MACROD2: variants seen among roughly 807,000 people sequenced by gnomAD.
MACROD2 encodes mono-ADP ribosylhydrolase 2.
Under a neutral mutation model 70.4 loss-of-function variants are expected in MACROD2, and 36 were observed. That is an observed-to-expected ratio of 0.51 (90% confidence interval 0.39 to 0.68). The LOEUF (loss-of-function observed/expected upper bound fraction) is 0.68. Among genes scored for constraint, MACROD2 ranks in the 30% least tolerant of loss-of-function variants. The pLI, the probability that MACROD2 is intolerant of heterozygous loss-of-function variation, is 0.00. For missense variants in MACROD2, 496 were observed against 538.4 expected (o/e 0.92, Z 0.78); for synonymous variants, 172 against 178.8 (o/e 0.96, Z 0.30).
At chr20:15,582,121 CAAA>C (rs11417111) in intron 8 of MACROD2, among the ~76,000 whole-genome samples, 1 of 140,876 alleles carries the variant, frequency 7.1e-6, no homozygotes. Context: ...GACTCGGTCT[CAAA>C]AAAAAAAAAA....
In MACROD2 at chr20:15,869,238, TAGAGAGAG is replaced by T. The variant is rs1555788820; in HGVS notation, c.727+6435_727+6442del. ...ATATATATATATATATATATATATA[TAGAGAGAG>T]AGAGAGAGAGAGAGAGAGAGAGCAA... On this transcript the variant is annotated intron_variant, in intron 9 of 17. Coordinates refer to ENST00000684519, the MANE Select transcript of MACROD2 (RefSeq NM_001351661.2). 5.8e-3 allele frequency among the ~76,000 whole-genome samples: 164 copies of T among 28,306 alleles called. 2 individuals carry two copies. The highest frequency in any genetic ancestry group is 0.031 in the Middle Eastern group (1 of 32). The allele number at this position is 28,306 out of a possible 152,430, so 18.6% of individuals were successfully genotyped here. A position where few individuals can be genotyped will look rare whatever the true frequency, so the allele number is the denominator to read the frequency against.
rs1437774140 is a variant in MACROD2, at chr20:14,087,235, A to G, written c.271+1507A>G. On this transcript the variant is annotated intron_variant, in intron 3 of 17. Coordinates refer to ENST00000684519, the MANE Select transcript of MACROD2 (RefSeq NM_001351661.2). The stretch of plus-strand genomic sequence containing the variant: ...CATGGTGAATCTCATCTCTACCAAA[A>G]AAATACAAAAATTAGCCAGGTGTGA... 2.0e-5 allele frequency among the ~76,000 whole-genome samples: 3 copies of G among 152,100 alleles called. No individual in the cohort carries two copies. In the East Asian group the frequency reaches 5.8e-4, roughly 29 times the overall value.
chr20:15,521,634 G>A (rs1469570355), intron 8 of MACROD2, among the ~76,000 whole-genome samples: 2 of 152,124 alleles, frequency 1.3e-5, no homozygotes, highest in Non-Finnish European at 2.9e-5. Context: ...TAACAGTATG[G>A]CACACATTTA....
At chr20:15,524,981 T>C (rs1379774399) in intron 8 of MACROD2, among the ~76,000 whole-genome samples, 1 of 152,166 alleles carries the variant, frequency 6.6e-6, no homozygotes, top group Non-Finnish European at 1.5e-5. Context: ...ATCTTACAAC[T>C]AAATGTTCTT....
chr20:14,278,521 C>A (rs2082277768), intron 3 of MACROD2, among the ~76,000 whole-genome samples: 1 of 152,116 alleles, frequency 6.6e-6, no homozygotes, highest in Non-Finnish European at 1.5e-5. Flanking sequence ...TAAGTTTTAG[C>A]CATCTCTTTT....
In MACROD2 at chr20:14,002,189, CT is replaced by C. The variant is rs370732803; in HGVS notation, c.47-98del. ...ATTGTGTTCTTCAGGACTGTATCAA[CT>C]CTTTTGTTAGCTTAACTTGGTTAAT... On this transcript the variant is annotated intron_variant, in intron 1 of 17. Transcript: ENST00000684519. The C allele has an allele frequency of 5.4e-5, 36 of 669,986 alleles. No homozygotes were observed. In the African/African-American group the frequency reaches 5.8e-4, roughly 11 times the overall value. The allele number at this position is 669,986 out of a possible 1,614,324, so 41.5% of individuals were successfully genotyped here. A position where few individuals can be genotyped will look rare whatever the true frequency, so the allele number is the denominator to read the frequency against.
At chr20:14,623,094 T>G (rs1338623192) in intron 4 of MACROD2, 4 of 151,192 alleles carry the variant, frequency 2.6e-5, no homozygotes, top group Admixed American at 2.6e-4. Flanking sequence ...CCCCTTGTTT[T>G]GATGAGGAAA....
intron 5 of MACROD2, among the ~76,000 whole-genome samples, chr20:15,186,206 G>A (rs190361437): frequency 6.6e-6 from 1 of 152,112 alleles, no homozygotes; most frequent in African/African-American, 2.4e-5. Flanking sequence ...CTTTGGCTGT[G>A]TGGCTCTCTA....
intron 3 of MACROD2, among the ~76,000 whole-genome samples, chr20:14,099,114 C>A (rs1242467553): frequency 1.3e-5 from 2 of 152,060 alleles, no homozygotes; most frequent in Admixed American, 1.3e-4. Context: ...TCCATCTCTA[C>A]TAAAAATACA....
At chr20:14,581,299 C>T (rs191207726) in intron 4 of MACROD2, among the ~76,000 whole-genome samples, 49 of 152,360 alleles carry the variant, frequency 3.2e-4, no homozygotes, top group Non-Finnish European at 4.9e-4. Flanking sequence ...GTTCTAGCCA[C>T]ACTCCAGACC....
At chr20:14,420,233 G>A (rs1475757328) in intron 3 of MACROD2, among the ~76,000 whole-genome samples, 3 of 151,514 alleles carry the variant, frequency 2.0e-5, no homozygotes, top group Non-Finnish European at 4.4e-5. Flanking sequence ...CCACTCATAT[G>A]AGTAGTTTTA....
intron 6 of MACROD2, among the ~76,000 whole-genome samples, chr20:15,280,213 G>T (rs1249572976): frequency 1.3e-5 from 2 of 152,166 alleles, no homozygotes; most frequent in Non-Finnish European, 1.5e-5. Context: ...AAAGATGGTT[G>T]GGTAAGAATA....
At position 14,550,849 on chromosome 20, in the gene MACROD2, G is replaced by T. The variant is rs1978604700; in HGVS notation, c.301+57341G>T. ...ATAGTAGAGTGTGATTAGAGGTGTT[G>T]ACTGGAGATTTGCATGTTTTATCAG... On this transcript the variant is annotated intron_variant, in intron 4 of 17. Coordinates refer to ENST00000684519, the MANE Select transcript of MACROD2 (RefSeq NM_001351661.2). Among the ~76,000 whole-genome samples, 2 of 149,910 alleles carry T rather than the reference G, an allele frequency of 1.3e-5. 1 individual carries two copies. The highest frequency in any genetic ancestry group is 4.3e-4 in the South Asian group (2 of 4,674).
intron 3 of MACROD2, among the ~76,000 whole-genome samples, chr20:14,488,699 T>G (rs1483634117): frequency 5.9e-5 from 9 of 152,214 alleles, no homozygotes; most frequent in African/African-American, 2.2e-4. Context: ...GGTCTGATCC[T>G]AGACAAGTGA....
At position 15,754,655 on chromosome 20, in the gene MACROD2, T is replaced by C. The variant is rs1325395073; in HGVS notation, c.646-108090T>C. Among the ~76,000 whole-genome samples, 12 of 149,836 alleles carry C rather than the reference T, an allele frequency of 8.0e-5. No individual in the cohort carries two copies. The South Asian group carries it at 1.1e-3, about 13-fold the overall frequency. On this transcript the variant is annotated intron_variant, in intron 8 of 17. Transcript: ENST00000684519. ...AAAGAAAAAAAAAAAGAGCCTAGTC[T>C]AACTTGGTTAGAAAGAATCTATTCA...
intron 10 of MACROD2, among the ~76,000 whole-genome samples, chr20:15,898,872 A>G (rs1460465151): frequency 2.0e-5 from 3 of 152,042 alleles, no homozygotes; most frequent in Non-Finnish European, 4.4e-5. Flanking sequence ...ATATGTAAAT[A>G]TATATAGATA....
Position 14,777,638 on chromosome 20 carries a change from G to A in MACROD2, c.418+92679G>A, listed in dbSNP as rs6105322. Reference sequence around the variant, plus strand: ...TAACACAAATATGGGCTAGAGTGGCGCCAGAGAACAAAAAAGAAACAACTA... The same window carrying A: ...TAACACAAATATGGGCTAGAGTGGCACCAGAGAACAAAAAAGAAACAACTA... On this transcript the variant is annotated intron_variant, in intron 5 of 17. Transcript: ENST00000684519. Among the ~76,000 whole-genome samples the A allele has an allele frequency of 4.0e-3, 603 of 152,028 alleles. 6 individuals are homozygous for A. The highest frequency in any genetic ancestry group is 0.012 in the African/African-American group (516 of 41,424).
chr20:14,379,027 C>T (rs947177166), intron 3 of MACROD2, among the ~76,000 whole-genome samples: 1 of 152,076 alleles, frequency 6.6e-6, no homozygotes, highest in Admixed American at 6.6e-5. Flanking sequence ...GAGCACTTTC[C>T]CCAATAATAA....
At chr20:15,721,145 A>G (rs368416833) in intron 8 of MACROD2, among the ~76,000 whole-genome samples, 195 of 152,324 alleles carry the variant, frequency 1.3e-3, no homozygotes, top group East Asian at 2.3e-3. Context: ...AAGTACCTTC[A>G]TGGCATGCCA....
Sources: gnomAD v4.1 joint callset for allele counts (sites outside exome capture counted in the v4.1 genomes callset) on GRCh38, gnomAD v4.1.1 for gene constraint, MANE v1.5 for transcripts, NCBI Gene and HGNC (gene_info 2026-07-23, HGNC 2026-07-21) for gene names.